FHIT: variants seen among roughly 807,000 people sequenced by gnomAD.
FHIT encodes the protein bis(5'-adenosyl)-triphosphatase.
A neutral mutation model predicts 17.9 loss-of-function variants in FHIT; 19 were observed. The observed-to-expected ratio is 1.06, with a 90% confidence interval of 0.74 to 1.56. The LOEUF (loss-of-function observed/expected upper bound fraction) is 1.56, where lower values mean the gene tolerates loss of function less well. FHIT is among the 40% of genes most tolerant of loss of function. The pLI is 0.00. For missense variants in FHIT, 248 were observed against 189.2 expected (o/e 1.31, Z -1.82); for synonymous variants, 81 against 69.7 (o/e 1.16, Z -0.81).
intron 5 of FHIT, among the ~76,000 whole-genome samples, chr3:60,532,065 T>G (rs749290186): frequency 1.3e-5 from 2 of 152,188 alleles, no homozygotes; most frequent in Non-Finnish European, 2.9e-5. Context: ...CTGGTAACAT[T>G]CTGCGTGAGA....
At chr3:60,422,977 T>C (rs1189970917) in intron 5 of FHIT, among the ~76,000 whole-genome samples, 1 of 152,156 alleles carries the variant, frequency 6.6e-6, no homozygotes, top group Non-Finnish European at 1.5e-5. Context: ...TACCTACACT[T>C]GTATTTTTAA....
At chr3:60,292,861 CTAT>C (rs1435907435) in intron 5 of FHIT, among the ~76,000 whole-genome samples, 2 of 1,784 alleles carry the variant, frequency 1.1e-3, no homozygotes, top group Admixed American at 9.6e-3. Context: ...TTTCAAATGG[CTAT>C]TATTAAATCC....
chr3:60,586,481 C>G (rs1553662055), intron 4 of FHIT, among the ~76,000 whole-genome samples: 1 of 152,000 alleles, frequency 6.6e-6, no homozygotes, highest in African/African-American at 2.4e-5. Flanking sequence ...CCCAGAAATC[C>G]CCTTACTGGA....
intron 9 of FHIT, chr3:59,751,867 AGTT>A (rs1394324793): frequency 4.7e-5 from 2 of 42,268 alleles, no homozygotes; most frequent in Admixed American, 4.9e-4. Context: ...CACACCTTTA[AGTT>A]AAGTTGGGGT....
intron 5 of FHIT, among the ~76,000 whole-genome samples, chr3:60,226,191 G>T (rs1455230056): frequency 1.3e-5 from 2 of 152,072 alleles, no homozygotes; most frequent in Non-Finnish European, 1.5e-5. Context: ...AAGCACTGTT[G>T]GCTGGGCGCA....
At chr3:60,105,784 A>G (rs1283051257) in intron 5 of FHIT, among the ~76,000 whole-genome samples, 2 of 152,142 alleles carry the variant, frequency 1.3e-5, no homozygotes, top group Non-Finnish European at 2.9e-5. Context: ...ATCATGAAGT[A>G]TTTTACTTTT....
chr3:60,000,381 T>C (rs1699682052), intron 7 of FHIT, among the ~76,000 whole-genome samples: 1 of 152,212 alleles, frequency 6.6e-6, no homozygotes, highest in Non-Finnish European at 1.5e-5. Context: ...TTTGTGACAA[T>C]TCATTTTCAT....
intron 5 of FHIT, among the ~76,000 whole-genome samples, chr3:60,234,491 T>C (rs1704667441): frequency 6.6e-6 from 1 of 152,248 alleles, no homozygotes; most frequent in Non-Finnish European, 1.5e-5. Context: ...AACACCATTG[T>C]TGGCTTATAT....
intron 8 of FHIT, among the ~76,000 whole-genome samples, chr3:59,904,119 G>T (rs616503): frequency 0.65 from 96,065 of 147,026 alleles, 31,387 homozygotes; most frequent in East Asian, 0.73. Flanking sequence ...TGTTCTAAAG[G>T]GGCTATTTCT....
At chr3:60,348,042 AGCCACCACACCT>A (rs1358572343) in intron 5 of FHIT, among the ~76,000 whole-genome samples, 5 of 152,260 alleles carry the variant, frequency 3.3e-5, no homozygotes, top group African/African-American at 1.2e-4. Context: ...TACAGGTGTG[AGCCACCACACCT>A]GGCCTACCCT....
intron 5 of FHIT, among the ~76,000 whole-genome samples, chr3:60,144,948 A>G (rs1235028015): frequency 6.6e-6 from 1 of 152,156 alleles, no homozygotes; most frequent in Non-Finnish European, 1.5e-5. Context: ...TTTTGTAAAT[A>G]AAGGGCGTGT....
At chr3:61,241,903 G>T (rs570615638) in intron 1 of FHIT, among the ~76,000 whole-genome samples, 1 of 152,100 alleles carries the variant, frequency 6.6e-6, no homozygotes, top group South Asian at 2.1e-4. Context: ...TTTAACTGCA[G>T]TTAACACTCT....
chr3:60,480,387 A>G (rs750275919), intron 5 of FHIT, among the ~76,000 whole-genome samples: 6 of 152,174 alleles, frequency 3.9e-5, no homozygotes, highest in Non-Finnish European at 8.8e-5. Context: ...TGTCCTTTGC[A>G]CATTTCAAAA....
intron 5 of FHIT, among the ~76,000 whole-genome samples, chr3:60,505,669 G>C (rs1383969397): frequency 1.3e-5 from 2 of 151,920 alleles, no homozygotes; most frequent in African/African-American, 2.4e-5. Flanking sequence ...ATATTATTTG[G>C]GCTCTGTTTT....
intron 3 of FHIT, among the ~76,000 whole-genome samples, chr3:61,010,181 C>T (rs935679099): frequency 6.6e-6 from 1 of 151,450 alleles, no homozygotes. Flanking sequence ...GATGACAAAG[C>T]ATTCCTACAC....
intron 5 of FHIT, among the ~76,000 whole-genome samples, chr3:60,027,130 C>CAA (rs1700776134): frequency 7.9e-6 from 1 of 125,894 alleles, no homozygotes. Flanking sequence ...CACACACACA[C>CAA]ACACACACAC....
intron 5 of FHIT, among the ~76,000 whole-genome samples, chr3:60,338,046 C>G (rs1333043664): frequency 6.6e-6 from 1 of 151,966 alleles, no homozygotes; most frequent in East Asian, 1.9e-4. Context: ...TTTTTTTTCC[C>G]ATTTATGTAG....
intron 7 of FHIT, among the ~76,000 whole-genome samples, chr3:59,923,501 G>T (rs997631651): frequency 2.6e-4 from 40 of 152,032 alleles, no homozygotes; most frequent in Admixed American, 2.0e-3. Context: ...GGTGAATCAG[G>T]GCTCAGAGCA....
intron 8 of FHIT, among the ~76,000 whole-genome samples, chr3:59,880,854 G>T (rs1703378267): frequency 6.6e-6 from 1 of 152,132 alleles, no homozygotes; most frequent in Non-Finnish European, 1.5e-5. Context: ...AGCCAAAACA[G>T]TATTGTGCTC....
Sources: allele counts gnomAD v4.1 joint callset (sites outside exome capture counted in the v4.1 genomes callset), GRCh38; gene constraint gnomAD v4.1.1; transcripts MANE v1.5; gene names NCBI Gene and HGNC (gene_info 2026-07-23, HGNC 2026-07-21).